ZNF385B: variants seen among roughly 807,000 people sequenced by gnomAD.
The protein encoded by ZNF385B is zinc finger protein 385B.
ZNF385B carries 23 observed loss-of-function variants against 39.2 expected under a neutral mutation model. The ratio of observed to expected loss-of-function variants is 0.59; its 90% CI spans 0.42 to 0.83. The LOEUF (loss-of-function observed/expected upper bound fraction) is 0.83, where lower values mean the gene tolerates loss of function less well. ZNF385B is among the 40% of genes least tolerant of loss of function. The pLI is 0.00. For missense variants in ZNF385B, 552 were observed against 598.9 expected, an observed-to-expected ratio of 0.92 and a Z score of 0.82; for synonymous variants, 205 against 222.6, an observed-to-expected ratio of 0.92 and a Z score of 0.70.
At chr2:179,809,357 C>T (rs1010113282) in intron 1 of ZNF385B, among the ~76,000 whole-genome samples, 11 of 152,142 alleles carry the variant, frequency 7.2e-5, no homozygotes, top group African/African-American at 2.4e-4. Context: ...TTGAATTATG[C>T]TCTGTTACCT....
intron 1 of ZNF385B, among the ~76,000 whole-genome samples, chr2:179,833,630 A>C (rs1708096905): frequency 6.6e-6 from 1 of 152,148 alleles, no homozygotes; most frequent in African/African-American, 2.4e-5. Context: ...AAAAATGACT[A>C]ATTTTTTTAA....
intron 5 of ZNF385B, among the ~76,000 whole-genome samples, chr2:179,492,186 A>G (rs2055305898): frequency 6.6e-6 from 1 of 152,202 alleles, no homozygotes; most frequent in Admixed American, 6.5e-5. Context: ...ACAAAGGAGG[A>G]TATTTCAGAG....
chr2:179,534,582 C>T (rs1424262795), intron 4 of ZNF385B: 1 of 152,068 alleles, frequency 6.6e-6, no homozygotes, highest in Non-Finnish European at 1.5e-5. Flanking sequence ...GGTATTACAT[C>T]ATGAAAATGA....
intron 6 of ZNF385B, among the ~76,000 whole-genome samples, chr2:179,469,210 G>T (rs950602836): frequency 6.6e-6 from 1 of 152,092 alleles, no homozygotes; most frequent in African/African-American, 2.4e-5. Context: ...CCATCTTTGG[G>T]CTTCCCTGGG....
intron 4 of ZNF385B, among the ~76,000 whole-genome samples, chr2:179,538,776 G>C (rs1003769945): frequency 6.6e-6 from 1 of 152,134 alleles, no homozygotes; most frequent in Non-Finnish European, 1.5e-5. Flanking sequence ...TAAGATTGTT[G>C]AGCCTCCTGC....
chr2:179,759,136 T>G (rs750125164), intron 3 of ZNF385B, among the ~76,000 whole-genome samples: 1 of 152,130 alleles, frequency 6.6e-6, no homozygotes, highest in Non-Finnish European at 1.5e-5. Flanking sequence ...ATTTTAATAT[T>G]AAATGAGAAT....
intron 1 of ZNF385B, among the ~76,000 whole-genome samples, chr2:179,820,333 C>A (rs1707330253): frequency 6.6e-6 from 1 of 151,924 alleles, no homozygotes; most frequent in South Asian, 2.1e-4. Flanking sequence ...CTGACTATAG[C>A]CCTTTTCTCA....
At chr2:179,765,292 A>T (rs1288314540) in intron 3 of ZNF385B, among the ~76,000 whole-genome samples, 1 of 152,196 alleles carries the variant, frequency 6.6e-6, no homozygotes, top group Non-Finnish European at 1.5e-5. Flanking sequence ...TAAACCTGCT[A>T]ATGATAATTT....
At chr2:179,593,300 A>G in intron 3 of ZNF385B, among the ~76,000 whole-genome samples, 1 of 152,180 alleles carries the variant, frequency 6.6e-6, no homozygotes, top group Middle Eastern at 3.2e-3. Context: ...CCAAATATTC[A>G]GTTTTCCATT....
intron 4 of ZNF385B, among the ~76,000 whole-genome samples, chr2:179,519,074 G>A (rs990729858): frequency 1.3e-5 from 2 of 152,264 alleles, no homozygotes; most frequent in African/African-American, 4.8e-5. Flanking sequence ...TCAACCTCCT[G>A]AGCTCAAGTG....
chr2:179,716,393 C>T (rs987278454), intron 3 of ZNF385B, among the ~76,000 whole-genome samples: 3 of 152,016 alleles, frequency 2.0e-5, no homozygotes, highest in African/African-American at 7.2e-5. Flanking sequence ...ACCTATTTTC[C>T]ATTTTCTGTT....
intron 1 of ZNF385B, among the ~76,000 whole-genome samples, chr2:179,795,392 T>G (rs1705596596): frequency 2.0e-5 from 3 of 152,082 alleles, no homozygotes; most frequent in South Asian, 2.1e-4. Flanking sequence ...AAAAAGAGAG[T>G]AGAGGTAGAT....
intron 3 of ZNF385B, 141 bp from the exon 4 acceptor site, chr2:179,545,110 G>A (rs1559448944): frequency 3.2e-6 from 3 of 935,240 alleles, no homozygotes; most frequent in Admixed American, 2.3e-5. Context: ...TGGCACAGGA[G>A]TAGTAAACAC....
At chr2:179,703,992 T>C (rs1323584725) in intron 3 of ZNF385B, among the ~76,000 whole-genome samples, 1 of 152,216 alleles carries the variant, frequency 6.6e-6, no homozygotes, top group African/African-American at 2.4e-5. Flanking sequence ...TGATTGAATT[T>C]AATCCCAAAA....
intron 1 of ZNF385B, among the ~76,000 whole-genome samples, chr2:179,779,218 C>T (rs942719787): frequency 1.3e-5 from 2 of 152,102 alleles, no homozygotes; most frequent in African/African-American, 4.8e-5. Flanking sequence ...ATGATGAAAC[C>T]AAGAGCTAAA....
intron 3 of ZNF385B, among the ~76,000 whole-genome samples, chr2:179,644,122 C>T (rs1420309606): frequency 6.6e-6 from 1 of 151,974 alleles, no homozygotes; most frequent in African/African-American, 2.4e-5. Flanking sequence ...AATCTGAAAT[C>T]CTGGAGTTTG....
chr2:179,614,042 C>T (rs1025674676), intron 3 of ZNF385B, among the ~76,000 whole-genome samples: 6 of 151,718 alleles, frequency 4.0e-5, no homozygotes, highest in South Asian at 4.2e-4. Context: ...GTCTCCCTCC[C>T]GCAAATGCAC....
At chr2:179,508,228 A>T (rs138170219) in intron 5 of ZNF385B, among the ~76,000 whole-genome samples, 4 of 152,330 alleles carry the variant, frequency 2.6e-5, no homozygotes, top group Non-Finnish European at 5.9e-5. Context: ...TAAACTTAAA[A>T]CCAGCAACTA....
chr2:179,820,568 CA>C (rs1186765367), intron 1 of ZNF385B, among the ~76,000 whole-genome samples: 1 of 151,712 alleles, frequency 6.6e-6, no homozygotes, highest in East Asian at 1.9e-4. Context: ...TTTTTCCTCC[CA>C]ATTGTCTAGA....
Sources: gnomAD v4.1 joint callset for allele counts (sites outside exome capture counted in the v4.1 genomes callset) on GRCh38, gnomAD v4.1.1 for gene constraint, MANE v1.5 for transcripts, NCBI Gene and HGNC (gene_info 2026-07-23, HGNC 2026-07-21) for gene names.